Variants in THSD4 observed in about 807,000 individuals in gnomAD.
THSD4 encodes the protein thrombospondin type-1 domain-containing protein 4.
In THSD4, 69 loss-of-function variants were observed where a neutral mutation model predicts 119.0. The ratio of observed to expected loss-of-function variants is 0.58; its 90% confidence interval spans 0.48 to 0.71. The LOEUF (loss-of-function observed/expected upper bound fraction) is 0.71, where lower values mean the gene tolerates loss of function less well. THSD4 is among the 30% of genes least tolerant of loss of function. The pLI is 0.00. For synonymous variants in THSD4, 524 were observed against 540.4 expected (o/e 0.97, Z 0.42); for missense variants, 1,393 against 1,391.1 (o/e 1.00, Z -0.02).
Position 71,277,643 on chromosome 15 carries a change from G to A in THSD4, c.1015+20928G>A, listed in dbSNP as rs190178032. ...ATATATTTTTCTTTAAGATTACTAC[G>A]TGTGACATACATTACCCTGGAATAG... On this transcript the variant is annotated intron_variant, in intron 6 of 17. Transcript: ENST00000261862. Among the ~76,000 whole-genome samples, 30 of 152,258 alleles carry A rather than the reference G, an allele frequency of 2.0e-4. No homozygotes were observed. In the East Asian group the frequency reaches 5.2e-3, roughly 26 times the overall value.
chr15:71,304,793 A>C (rs930735402), intron 6 of THSD4, among the ~76,000 whole-genome samples: 9 of 152,202 alleles, frequency 5.9e-5, no homozygotes, highest in African/African-American at 2.2e-4. Context: ...AGGTAATTAA[A>C]CTCCCTAACA....
rs144392801 is a variant in THSD4, at chr15:71,763,050, A to G, written c.2590-1970A>G. 9.5e-3 allele frequency among the ~76,000 whole-genome samples: 1,448 copies of G among 152,228 alleles called. 11 individuals carry two copies. The highest frequency in any genetic ancestry group is 0.016 in the Non-Finnish European group (1,106 of 68,004). The stretch of plus-strand genomic sequence containing the variant: ...TGCACCACTGCACTCTAGCCTGGGC[A>G]ACAGAGCAAGACTCCATCTCAAAAA... On this transcript the variant is annotated intron_variant, in intron 15 of 17. Coordinates refer to ENST00000261862, the MANE Select transcript of THSD4 (RefSeq NM_024817.3).
intron 3 of THSD4, among the ~76,000 whole-genome samples, chr15:71,208,945 A>C (rs948258794): frequency 6.6e-6 from 1 of 152,188 alleles, no homozygotes; most frequent in Non-Finnish European, 1.5e-5. Context: ...TCCAAAATAC[A>C]TGGCCCCCTT....
intron 17 of THSD4, among the ~76,000 whole-genome samples, chr15:71,776,134 A>G (rs2053908448): frequency 6.6e-6 from 1 of 152,264 alleles, no homozygotes; most frequent in Non-Finnish European, 1.5e-5. Flanking sequence ...AGAAGAGAAC[A>G]GGGAAATTTA....
At chr15:71,193,877 A>T (rs1215026848) in intron 3 of THSD4, among the ~76,000 whole-genome samples, 1 of 151,808 alleles carries the variant, frequency 6.6e-6, no homozygotes, top group African/African-American at 2.4e-5. Flanking sequence ...CGCCCAGCTA[A>T]TTTTTTTGTA....
At chr15:71,565,391 A>T (rs1338252939) in intron 7 of THSD4, among the ~76,000 whole-genome samples, 1 of 152,232 alleles carries the variant, frequency 6.6e-6, no homozygotes, top group Non-Finnish European at 1.5e-5. Flanking sequence ...CCAGAGCAGA[A>T]CCAGGATTCA....
chr15:71,469,789 T>G (rs777471195), intron 7 of THSD4, among the ~76,000 whole-genome samples: 2 of 152,216 alleles, frequency 1.3e-5, no homozygotes, highest in Non-Finnish European at 2.9e-5. Context: ...CTGTGGCACC[T>G]GACATATAGC....
At chr15:71,529,220 A>C (rs145965033) in intron 7 of THSD4, among the ~76,000 whole-genome samples, 248 of 152,282 alleles carry the variant, frequency 1.6e-3, no homozygotes, top group Non-Finnish European at 3.0e-3. Flanking sequence ...CCACCATCTG[A>C]GTTTTACCCT....
intron 7 of THSD4, among the ~76,000 whole-genome samples, chr15:71,599,026 C>T (rs1292389069): frequency 6.6e-6 from 1 of 152,164 alleles, no homozygotes; most frequent in South Asian, 2.1e-4. Flanking sequence ...CCGATTTGCT[C>T]CGACCTTTTT....
At chr15:71,272,689 C>T (rs921934709) in intron 6 of THSD4, among the ~76,000 whole-genome samples, 1 of 151,834 alleles carries the variant, frequency 6.6e-6, no homozygotes, top group Non-Finnish European at 1.5e-5. Flanking sequence ...AGTGAAGCCC[C>T]GTCTCTAGTG....
chr15:71,775,132 G>A (rs1381251116), intron 17 of THSD4, among the ~76,000 whole-genome samples: 2 of 150,816 alleles, frequency 1.3e-5, no homozygotes, highest in African/African-American at 2.4e-5. Flanking sequence ...CGCAACAAGA[G>A]CAAAACTCCA....
At chr15:71,758,946 C>T (rs1257767600) in intron 15 of THSD4, among the ~76,000 whole-genome samples, 1 of 152,234 alleles carries the variant, frequency 6.6e-6, no homozygotes, top group East Asian at 1.9e-4. Flanking sequence ...CCAGTCACCC[C>T]ACTCCTGGGG....
chr15:71,444,974 C>T (rs1227925082), intron 7 of THSD4, among the ~76,000 whole-genome samples: 1 of 152,212 alleles, frequency 6.6e-6, no homozygotes, highest in Non-Finnish European at 1.5e-5. Flanking sequence ...TCAGTATGTT[C>T]CATGATCTAG....
At chr15:71,532,630 A>C (rs765403686) in intron 7 of THSD4, among the ~76,000 whole-genome samples, 4 of 152,088 alleles carry the variant, frequency 2.6e-5, no homozygotes, top group Non-Finnish European at 5.9e-5. Context: ...GGAATTACTT[A>C]ATGTAGAATT....
rs189216478 is a variant in THSD4, at chr15:71,636,318, G to T, written c.1153-24212G>T. 3.3e-3 allele frequency among the ~76,000 whole-genome samples: 507 copies of T among 152,260 alleles called. 1 individual carries two copies. Among genetic ancestry groups the T allele is most frequent in the Middle Eastern group, 6.8e-3 (2 of 294 alleles). ...GGTGCCTGTAATCCCAGCAACTCGG[G>T]AGGCTGAGGCATGAGAATCGCTTGA... On this transcript the variant is annotated intron_variant, in intron 7 of 17. Transcript: ENST00000261862.
At chr15:71,263,993 A>G (rs1283169777) in intron 6 of THSD4, among the ~76,000 whole-genome samples, 1 of 152,338 alleles carries the variant, frequency 6.6e-6, no homozygotes, top group Admixed American at 6.5e-5. Flanking sequence ...ACAGTCTGAT[A>G]TCCACAGAGC....
intron 7 of THSD4, among the ~76,000 whole-genome samples, chr15:71,541,944 A>C (rs2048765655): frequency 6.6e-6 from 1 of 152,238 alleles, no homozygotes; most frequent in Admixed American, 6.5e-5. Context: ...GGAGGCTGGA[A>C]GGGCAGGAAG....
At chr15:71,251,983 A>G (rs2044264783) in intron 5 of THSD4, among the ~76,000 whole-genome samples, 1 of 152,202 alleles carries the variant, frequency 6.6e-6, no homozygotes, top group Non-Finnish European at 1.5e-5. Context: ...CTCTTCCATT[A>G]AAAGTCCAGT....
chr15:71,515,953 C>G (rs1003778622), intron 7 of THSD4, among the ~76,000 whole-genome samples: 1 of 152,168 alleles, frequency 6.6e-6, no homozygotes, highest in Non-Finnish European at 1.5e-5. Context: ...AGGACACATG[C>G]TCTATGTTAA....
Sources: allele counts gnomAD v4.1 joint callset (sites outside exome capture counted in the v4.1 genomes callset), GRCh38; gene constraint gnomAD v4.1.1; transcripts MANE v1.5; gene names NCBI Gene and HGNC (gene_info 2026-07-23, HGNC 2026-07-21).